The following BLVRA variants were observed in gnomAD, a reference collection of about 807,000 sequenced individuals.
The protein encoded by BLVRA is BVR A.
BLVRA carries 22 observed loss-of-function variants against 32.8 expected under a neutral mutation model. That is an observed-to-expected ratio of 0.67 (90% CI 0.48 to 0.96). The LOEUF (loss-of-function observed/expected upper bound fraction) is 0.96. Ranked by LOEUF, BLVRA falls within the 40% of genes least tolerant of loss-of-function variation. The pLI is 0.00. For missense variants in BLVRA, 323 were observed against 358.1 expected, an observed-to-expected ratio of 0.90 and a Z score of 0.79; for synonymous variants, 119 against 141.3, an observed-to-expected ratio of 0.84 and a Z score of 1.12.
intron 2 of BLVRA, among the ~76,000 whole-genome samples, chr7:43,779,889 T>C (rs1734309590): frequency 2.0e-5 from 3 of 151,974 alleles, no homozygotes; most frequent in South Asian, 4.1e-4. Context: ...TTTTCTTTTT[T>C]TTTGAGATAG....
At chr7:43,800,296 C>T (rs2095797229) in intron 5 of BLVRA, 169 bp from the exon 6 acceptor site, 1 of 658,058 alleles carries the variant, frequency 1.5e-6, no homozygotes, top group Admixed American at 2.2e-5. Flanking sequence ...GAAGTAGCAG[C>T]CTCTTCAGCT....
At chr7:43,759,241 G>A (rs2095739721) in intron 1 of BLVRA, among the ~76,000 whole-genome samples, 1 of 152,250 alleles carries the variant, frequency 6.6e-6, no homozygotes, top group Non-Finnish European at 1.5e-5. Flanking sequence ...CCCCGCTTTC[G>A]TTTTTGGAAA....
In BLVRA at chr7:43,803,743, G is replaced by T; in HGVS notation, c.528G>T (p.Leu176=). 1.2e-6 allele frequency: 2 copies of T among 1,614,136 alleles called. No homozygotes were observed. The highest frequency in any genetic ancestry group is 1.7e-6 in the Non-Finnish European group (2 of 1,180,004). ...GCGGCATCTCTCGCCTGACCTGGCT[G>T]GTCTCCCTCTTTGGGGAGCTTTCTC... ...AFSGISRLTW[L]VSLFGELSLV... The change falls in exon 7 of 8, where the codon CTG becomes CTT. Residue 176 remains leucine, a synonymous_variant. Coordinates refer to ENST00000265523, the MANE Select transcript of BLVRA (RefSeq NM_000712.4).
intron 1 of BLVRA, among the ~76,000 whole-genome samples, chr7:43,758,949 T>C (rs2095739320): frequency 6.6e-6 from 1 of 152,072 alleles, no homozygotes; most frequent in Admixed American, 6.5e-5. Flanking sequence ...GCAGCGCGGG[T>C]CCCGGCAAGG....
At chr7:43,805,428 G>A (rs374727507) in intron 7 of BLVRA, among the ~76,000 whole-genome samples, 13 of 152,030 alleles carry the variant, frequency 8.6e-5, no homozygotes, top group East Asian at 3.9e-4. Context: ...GATTATAGGC[G>A]CCTGCCACCA....
At chr7:43,770,265 G>T (rs1338021877) in intron 1 of BLVRA, among the ~76,000 whole-genome samples, 1 of 152,132 alleles carries the variant, frequency 6.6e-6, no homozygotes, top group Non-Finnish European at 1.5e-5. Flanking sequence ...GACCTTTCCT[G>T]CCCAGTTTTA....
At chr7:43,771,367 C>G (rs1400269740) in intron 2 of BLVRA, among the ~76,000 whole-genome samples, 197 bp downstream of exon 2, 1 of 152,174 alleles carries the variant, frequency 6.6e-6, no homozygotes, top group Non-Finnish European at 1.5e-5. Flanking sequence ...CTGTGTCTGT[C>G]TGGCTTCATT....
intron 3 of BLVRA, among the ~76,000 whole-genome samples, chr7:43,790,627 C>T (rs886487918): frequency 4.6e-5 from 7 of 152,116 alleles, no homozygotes; most frequent in African/African-American, 1.7e-4. Flanking sequence ...CTGGAAGTGA[C>T]CATAGAGATC....
At chr7:43,771,725 C>A (rs1028635877) in intron 2 of BLVRA, among the ~76,000 whole-genome samples, 1 of 152,224 alleles carries the variant, frequency 6.6e-6, no homozygotes, top group Admixed American at 6.5e-5. Flanking sequence ...CAGAGGCCAT[C>A]CCCACAAGAG....
chr7:43,769,933 A>G (rs1409420848), intron 1 of BLVRA, among the ~76,000 whole-genome samples: 1 of 152,068 alleles, frequency 6.6e-6, no homozygotes, highest in East Asian at 1.9e-4. Context: ...TTTTCAACAC[A>G]AAGCCTACAC....
intron 6 of BLVRA, 36 bp downstream of exon 6, chr7:43,800,608 G>A (rs778454499): frequency 6.4e-7 from 1 of 1,561,134 alleles, no homozygotes; most frequent in Non-Finnish European, 8.8e-7. Flanking sequence ...CACATGTGAG[G>A]TCCAAAGACC....
chr7:43,772,697 C>T (rs1050223797), intron 2 of BLVRA, among the ~76,000 whole-genome samples: 1 of 152,220 alleles, frequency 6.6e-6, no homozygotes, highest in Admixed American at 6.5e-5. Context: ...AAGCAAGGCA[C>T]CTTCTTCACA....
chr7:43,803,903 G>T (rs1259453220), intron 7 of BLVRA, 56 bp downstream of exon 7: 4 of 1,602,580 alleles, frequency 2.5e-6, no homozygotes, highest in Non-Finnish European at 3.4e-6. Context: ...TAGTACATTT[G>T]CAGGTATGAT....
rs10233888 is a variant in BLVRA at position 43,760,342 on chromosome 7, C to G, written c.-22+1608C>G. Among the ~76,000 whole-genome samples the G allele has an allele frequency of 7.8e-4, 118 of 152,034 alleles. 1 individual carries two copies. The highest frequency in any genetic ancestry group is 2.4e-3 in the Admixed American group (37 of 15,268). ...TGCTTATTACTCCCAGTCATTTTTT[C>G]TAGAACTGAAAATCTGGTAAAATAC... On this transcript the variant is annotated intron_variant, in intron 1 of 7. Transcript: ENST00000265523.
chr7:43,770,107 G>T (rs2095752838), intron 1 of BLVRA, among the ~76,000 whole-genome samples: 1 of 152,172 alleles, frequency 6.6e-6, no homozygotes, highest in Admixed American at 6.5e-5. Flanking sequence ...GGCAGGGGTT[G>T]CCACAGCCTT....
chr7:43,772,913 C>A (rs1279896364), intron 2 of BLVRA, among the ~76,000 whole-genome samples: 1 of 152,156 alleles, frequency 6.6e-6, no homozygotes, highest in Non-Finnish European at 1.5e-5. Flanking sequence ...CAAAGTATAA[C>A]CATATCACCT....
At chr7:43,764,181 C>T (rs1051551708) in intron 1 of BLVRA, 1 of 152,132 alleles carries the variant, frequency 6.6e-6, no homozygotes, top group Non-Finnish European at 1.5e-5. Flanking sequence ...CCCGCCCCCG[C>T]ACTTGTGAGT....
chr7:43,797,405 A>G (rs138995987), intron 5 of BLVRA, among the ~76,000 whole-genome samples: 3 of 152,380 alleles, frequency 2.0e-5, no homozygotes, highest in African/African-American at 7.2e-5. Context: ...GTATTTTTAA[A>G]TTAAGGTACG....
At position 43,800,453 on chromosome 7, in the gene BLVRA, T is replaced by C; in HGVS notation, c.353-12T>C. The C allele has an allele frequency of 1.2e-6, 2 of 1,613,344 alleles. No individual in the cohort carries two copies. Among genetic ancestry groups the C allele is most frequent in the Non-Finnish European group, 1.7e-6 (2 of 1,179,284 alleles). ...GACGACTGCCCTTTTTATTCCATTTTTGTCGTTACAGGAAAAGTCTTGCAC... is the reference window on the plus strand; with the variant it reads ...GACGACTGCCCTTTTTATTCCATTTCTGTCGTTACAGGAAAAGTCTTGCAC... On this transcript the variant is annotated splice_polypyrimidine_tract_variant and intron_variant, in intron 5 of 7. Coordinates refer to ENST00000265523, the MANE Select transcript of BLVRA (RefSeq NM_000712.4).
Sources: gnomAD v4.1 joint callset for allele counts (sites outside exome capture counted in the v4.1 genomes callset) on GRCh38, gnomAD v4.1.1 for gene constraint, MANE v1.5 for transcripts, NCBI Gene and HGNC (gene_info 2026-07-23, HGNC 2026-07-21) for gene names.